Variants in ZNF770 observed in about 807,000 individuals in gnomAD.
ZNF770 encodes the protein zinc finger protein 770.
A neutral mutation model predicts 44.8 loss-of-function variants in ZNF770; 13 were observed. The observed-to-expected ratio is 0.29, with a 90% CI of 0.19 to 0.46. The LOEUF is 0.46. ZNF770 is among the 20% of genes least tolerant of loss of function. The probability of loss-of-function intolerance (pLI) is 1.00; values close to 1 mark genes in which losing one functional copy is unlikely to be tolerated. For missense variants in ZNF770, 681 were observed against 797.9 expected, an observed-to-expected ratio of 0.85 and a Z score of 1.77; for synonymous variants, 304 against 271.8, an observed-to-expected ratio of 1.12 and a Z score of -1.17.
In ZNF770 at chr15:34,983,197, G is replaced by A. The variant is rs376653848; in HGVS notation, c.238C>T (p.Pro80Ser). Reference protein sequence around the residue: ...LERHQLTHSLPFKCSICQRHF... With the variant: ...LERHQLTHSLSFKCSICQRHF... The stretch of plus-strand genomic sequence containing the variant: ...CGCTGACAAATACTACATTTAAAAG[G>A]CAGACTATGAGTTAGTTGATGCCTC... Residue 80 changes from proline (P) to serine (S), a missense_variant, in exon 3 of 3, where the codon CCT (proline) becomes TCT (serine). Pro to Ser is a moderately conservative substitution (Grantham distance 74). Around this residue, in one of 5 missense-constraint regions of ZNF770, gnomAD observed 65 missense variants for 115.0 expected, o/e 0.57. Transcript: ENST00000356321. 70 of 1,613,612 alleles carry A rather than the reference G, an allele frequency of 4.3e-5. No individual in the cohort carries two copies. Among genetic ancestry groups the A allele is most frequent in the Non-Finnish European group, 5.8e-5 (69 of 1,179,884 alleles).
rs1483480054 is a variant in ZNF770 at position 34,983,246 on chromosome 15, G to A, written c.189C>T (p.Thr63=). The change falls in exon 3 of 3, where the codon ACC becomes ACT. Residue 63 remains threonine, a synonymous_variant. Coordinates refer to ENST00000356321, the MANE Select transcript of ZNF770 (RefSeq NM_014106.4). ...TCTCCAGATGAACTAGTTGTCTAAAGGTTTTATGACACACATCACATTCAA... is the reference window on the plus strand; with the variant it reads ...TCTCCAGATGAACTAGTTGTCTAAAAGTTTTATGACACACATCACATTCAA... ...KPFECDVCHK[T]FRQLVHLERH... 45 of 1,612,816 alleles carry A rather than the reference G, an allele frequency of 2.8e-5. No individual in the cohort carries two copies. Among genetic ancestry groups the A allele is most frequent in the Non-Finnish European group, 3.8e-5 (45 of 1,179,166 alleles).
Position 34,980,032 on chromosome 15 carries a change from G to A in ZNF770, c.*1327C>T. On this transcript the variant is annotated 3_prime_UTR_variant, in exon 3 of 3. Coordinates refer to ENST00000356321, the MANE Select transcript of ZNF770 (RefSeq NM_014106.4). Reference sequence around the variant, plus strand: ...ATTAATTAAAATAAAAATTTAACAAGCATCAAAATAAAATTCTTTAGCAAT... The same window carrying A: ...ATTAATTAAAATAAAAATTTAACAAACATCAAAATAAAATTCTTTAGCAAT... 6.4e-6 allele frequency: 1 copy of A among 156,454 alleles called. No homozygotes were observed. Among genetic ancestry groups the A allele is most frequent in the Non-Finnish European group, 1.4e-5 (1 of 70,648 alleles). The allele number at this position is 156,454 out of a possible 1,614,324, so 9.7% of individuals were successfully genotyped here.
chr15:34,983,236 G>A lies in ZNF770; in HGVS notation c.199C>T (p.Leu67=). 1.2e-6 allele frequency: 2 copies of A among 1,612,994 alleles called. No individual in the cohort carries two copies. The highest frequency in any genetic ancestry group is 3.3e-4 in the Middle Eastern group (2 of 6,056). ...AGTTGATGCCTCTCCAGATGAACTA[G>A]TTGTCTAAAGGTTTTATGACACACA... ...CDVCHKTFRQ[L]VHLERHQLTH... The change falls in exon 3 of 3, where the codon CTA becomes TTA. Residue 67 remains leucine (L), a synonymous_variant. Transcript: ENST00000356321.
rs1485709326 is a variant in ZNF770 at position 34,981,609 on chromosome 15, G to A, written c.1826C>T (p.Pro609Leu). Reference sequence around the variant, plus strand: ...CTGATGCTCTGAATAACTGCAAAAAGGATTGCTTTGCTCTGATTCCAAAAG... The same window carrying A: ...CTGATGCTCTGAATAACTGCAAAAAAGATTGCTTTGCTCTGATTCCAAAAG... ...NVLLESEQSN[P>L]FCSYSEHQEK... The change falls in exon 3 of 3, where the codon CCT becomes CTT. Residue 609 changes from proline (P) to leucine (L), a missense_variant. Pro to Leu is a moderately conservative substitution (Grantham distance 98, BLOSUM62 -3). Coordinates refer to ENST00000356321, the MANE Select transcript of ZNF770 (RefSeq NM_014106.4). The A allele has an allele frequency of 1.2e-6, 2 of 1,614,040 alleles. No homozygotes were observed. The highest frequency in any genetic ancestry group is 1.7e-5 in the Admixed American group (1 of 60,004).
At chr15:34,985,622 T>C (rs1450048895) in intron 2 of ZNF770, among the ~76,000 whole-genome samples, 1 of 152,152 alleles carries the variant, frequency 6.6e-6, no homozygotes, top group Non-Finnish European at 1.5e-5. Context: ...GAGGCTGGCA[T>C]AGTGGCTCAT....
rs2050387119 is a variant in ZNF770, at chr15:34,979,533, G to A, written c.*1826C>T. On this transcript the variant is annotated 3_prime_UTR_variant, in exon 3 of 3. Transcript: ENST00000356321. ...GATGTCTGTATCTACATAATAAACA[G>A]GCACACTTCTACATCACTGGGTATT... The A allele has an allele frequency of 8.1e-6, 3 of 371,240 alleles. No homozygotes were observed. The highest frequency in any genetic ancestry group is 2.2e-5 in the African/African-American group (1 of 46,468). 23.0% of individuals were successfully genotyped at this position (371,240 alleles called of 1,614,324 possible).
intron 2 of ZNF770, among the ~76,000 whole-genome samples, chr15:34,984,216 G>A (rs1438150223): frequency 1.3e-5 from 2 of 152,128 alleles, no homozygotes; most frequent in Non-Finnish European, 1.5e-5. Context: ...GTATATGAAT[G>A]TGCTAAAAAA....
chr15:34,982,463 G>A lies in ZNF770; in HGVS notation c.972C>T (p.Ser324=), dbSNP rs1353666551. 2 of 1,613,814 alleles carry A rather than the reference G, an allele frequency of 1.2e-6. No individual in the cohort carries two copies. The highest frequency in any genetic ancestry group is 2.2e-5 in the South Asian group (2 of 91,072). ...CFAARSGKIP[S]RFKRSYNYKT... is the part of the protein sequence containing the mutation. ...TATAGTTGTAGCTTCTTTTGAACCT[G>A]CTTGGAATTTTGCCACTTCTAGCAG... The change falls in exon 3 of 3, where the codon AGC becomes AGT. Residue 324 remains serine, a synonymous_variant. Coordinates refer to ENST00000356321, the MANE Select transcript of ZNF770 (RefSeq NM_014106.4).
At position 34,982,214 on chromosome 15, in the gene ZNF770, A is replaced by T. The variant is rs756338335; in HGVS notation, c.1221T>A (p.Thr407=). The change falls in exon 3 of 3, where the codon ACT becomes ACA. Residue 407 remains threonine (T), a synonymous_variant. Coordinates refer to ENST00000356321, the MANE Select transcript of ZNF770 (RefSeq NM_014106.4). ...TIGNRKKKTL[T]LPFSWQNMGK... The stretch of plus-strand genomic sequence containing the variant: ...CCATATTTTGCCAAGAAAATGGCAA[A>T]GTCAATGTTTTCTTCTTTCTATTGC... 5 of 1,613,340 alleles carry T rather than the reference A, an allele frequency of 3.1e-6. No homozygotes were observed. In the South Asian group the frequency reaches 4.4e-5, roughly 14 times the overall value.
At chr15:34,986,725 C>G (rs2050437073) in intron 2 of ZNF770, among the ~76,000 whole-genome samples, 2 of 152,150 alleles carry the variant, frequency 1.3e-5, no homozygotes, top group African/African-American at 4.8e-5. Context: ...TCTCCTGCCT[C>G]TTATGGAACT....
chr15:34,981,835 G>C lies in ZNF770; in HGVS notation c.1600C>G (p.Leu534Val). Residue 534 changes from leucine (L) to valine (V), a missense_variant, in exon 3 of 3, where the codon CTT becomes GTT. Physicochemically the swap from Leu to Val is conservative, Grantham distance 32. This residue lies in a region of ZNF770 where 148 missense variants were observed against 191.0 expected (regional missense o/e 0.77). Transcript: ENST00000356321. ...THNEKSPYASLCQVEFGNFNN... is the reference protein window; with the variant it reads ...THNEKSPYASVCQVEFGNFNN... ...AAGTTTCCAAATTCTACTTGGCAAA[G>C]AGATGCATAAGGACTCTTTTCATTA... 1 of 1,613,966 alleles carries C rather than the reference G, an allele frequency of 6.2e-7. No individual in the cohort carries two copies. The highest frequency in any genetic ancestry group is 8.5e-7 in the Non-Finnish European group (1 of 1,180,002).
In ZNF770 at chr15:34,979,745, A is replaced by AT; in HGVS notation, c.*1613dup. ...CATTTATCCACATTCTCAATAGAGG[A>AT]TTTTCCACTATATTTAAGTATGGCA... On this transcript the variant is annotated 3_prime_UTR_variant, in exon 3 of 3. Transcript: ENST00000356321. 2.3e-6 allele frequency: 1 copy of AT among 432,654 alleles called. No individual in the cohort carries two copies. Among genetic ancestry groups the AT allele is most frequent in the South Asian group, 1.6e-5 (1 of 60,790 alleles). 26.8% of individuals were successfully genotyped at this position (432,654 alleles called of 1,614,324 possible). A position where few individuals can be genotyped will look rare whatever the true frequency, so the allele number is the denominator to read the frequency against.
chr15:34,982,181 A>T lies in ZNF770; in HGVS notation c.1254T>A (p.Asn418Lys), dbSNP rs764870732. ...TTTCTGTCGTAAGGATGCCTTTCAA[A>T]TTTTTTCCCATATTTTGCCAAGAAA... ...LPFSWQNMGKNLKGILTTENI... is the reference protein window; with the variant it reads ...LPFSWQNMGKKLKGILTTENI... Residue 418 changes from asparagine (N) to lysine (K), a missense_variant, in exon 3 of 3, where the codon AAT becomes AAA. By Grantham distance (94) the Asn-to-Lys change is moderately conservative. This residue lies in a region of ZNF770 where 432 missense variants were observed against 434.1 expected (regional missense o/e 1.00). Transcript: ENST00000356321. The T allele has an allele frequency of 4.3e-6, 7 of 1,612,616 alleles. No homozygotes were observed. The highest frequency in any genetic ancestry group is 2.2e-5 in the East Asian group (1 of 44,848).
chr15:34,987,161 A>G (rs1015744331), intron 2 of ZNF770, among the ~76,000 whole-genome samples: 2 of 152,276 alleles, frequency 1.3e-5, no homozygotes, highest in African/African-American at 4.8e-5. Flanking sequence ...TGATTAAAAC[A>G]GGGATTGGCT....
At chr15:34,984,952 G>A (rs2140522581) in intron 2 of ZNF770, among the ~76,000 whole-genome samples, 1 of 152,092 alleles carries the variant, frequency 6.6e-6, no homozygotes, top group African/African-American at 2.4e-5. Flanking sequence ...GAACAACGTG[G>A]CAAAACCCCG....
intron 2 of ZNF770, among the ~76,000 whole-genome samples, chr15:34,984,994 G>C (rs977517408): frequency 6.6e-6 from 1 of 151,996 alleles, no homozygotes; most frequent in Admixed American, 6.6e-5. Context: ...TTAGCCAGGC[G>C]TGGTAGTGCA....
In ZNF770 at chr15:34,987,548, A is replaced by G. The variant is rs955849315; in HGVS notation, c.-57+9T>C. 7.2e-5 allele frequency: 11 copies of G among 152,262 alleles called. No homozygotes were observed. Among genetic ancestry groups the G allele is most frequent in the African/African-American group, 2.4e-4 (10 of 41,464 alleles). 9.4% of individuals were successfully genotyped at this position (152,262 alleles called of 1,614,324 possible). On this transcript the variant is annotated intron_variant, in intron 2 of 2. Coordinates refer to ENST00000356321, the MANE Select transcript of ZNF770 (RefSeq NM_014106.4). ...CTACGTGAAGACTGTAAAAACTGTA[A>G]AAACTGACCTCAATAATATCCAATG...
Position 34,978,355 on chromosome 15 carries a change from CTTTATT to C in ZNF770, c.*2998_*3003del, listed in dbSNP as rs1432270200. On this transcript the variant is annotated 3_prime_UTR_variant, in exon 3 of 3. Coordinates refer to ENST00000356321, the MANE Select transcript of ZNF770 (RefSeq NM_014106.4). ...AAAGGCCAAACTGTGTAACTTGGAA[CTTTATT>C]TTTAAAGTATTCTGAAAATTTTCCA... The C allele has an allele frequency of 1.4e-5, 2 of 140,800 alleles. No individual in the cohort carries two copies. Among genetic ancestry groups the C allele is most frequent in the African/African-American group, 2.9e-5 (1 of 35,008 alleles). The allele number at this position is 140,800 out of a possible 1,614,324, so 8.7% of individuals were successfully genotyped here.
At position 34,982,293 on chromosome 15, in the gene ZNF770, G is replaced by C. The variant is rs1489271660; in HGVS notation, c.1142C>G (p.Thr381Ser). The change falls in exon 3 of 3, where the codon ACC (threonine) becomes AGC (serine). Residue 381 changes from threonine to serine, a missense_variant. Physicochemically the swap from Thr to Ser is moderately conservative, Grantham distance 58. Transcript: ENST00000356321. ...AAGAGAACCCACAAATGTTCTCTGG[G>C]TTTGTTCAGAGCTCTGCTCACCAGA... Reference protein sequence around the residue: ...LISGEQSSEQTQRTFVGSLGK... With the variant: ...LISGEQSSEQSQRTFVGSLGK... The C allele has an allele frequency of 8.7e-6, 14 of 1,613,626 alleles. No individual in the cohort carries two copies. The South Asian group carries it at 1.5e-4, about 18-fold the overall frequency.
Sources: gnomAD v4.1 joint callset for allele counts (sites outside exome capture counted in the v4.1 genomes callset) on GRCh38, gnomAD v4.1.1 for gene constraint, gnomAD v4.1.1 regional missense constraint, MANE v1.5 for transcripts, NCBI Gene and HGNC (gene_info 2026-07-23, HGNC 2026-07-21) for gene names.